The following FHIT variants were observed in gnomAD, a reference collection of about 807,000 sequenced individuals.
FHIT encodes fragile histidine triad diadenosine triphosphatase.
Under a neutral mutation model 17.9 loss-of-function variants are expected in FHIT, and 19 were observed. That is an observed-to-expected ratio of 1.06 (90% CI 0.74 to 1.56). The LOEUF is 1.56. FHIT is among the 40% of genes most tolerant of loss of function. FHIT has a pLI of 0.00. For missense variants in FHIT, 248 were observed against 189.2 expected (o/e 1.31, Z -1.82); for synonymous variants, 81 against 69.7 (o/e 1.16, Z -0.81).
intron 4 of FHIT, among the ~76,000 whole-genome samples, chr3:60,680,600 G>T: frequency 7.0e-6 from 1 of 142,864 alleles, no homozygotes. Flanking sequence ...CAAAACTTTA[G>T]ATTTATAATA....
intron 8 of FHIT, among the ~76,000 whole-genome samples, chr3:59,917,900 AG>A (rs754734144): frequency 1.3e-5 from 2 of 152,230 alleles, no homozygotes; most frequent in Admixed American, 6.5e-5. Flanking sequence ...GTTTGGTGGG[AG>A]GGGGCAAGTT....
At chr3:60,343,351 C>A (rs996183723) in intron 5 of FHIT, among the ~76,000 whole-genome samples, 1 of 152,018 alleles carries the variant, frequency 6.6e-6, no homozygotes, top group Non-Finnish European at 1.5e-5. Flanking sequence ...TAAAACACTC[C>A]CTAGCAGTCT....
intron 5 of FHIT, among the ~76,000 whole-genome samples, chr3:60,439,661 G>T (rs1397893555): frequency 6.6e-6 from 1 of 152,060 alleles, no homozygotes. Flanking sequence ...AAAAGAGCAA[G>T]TAACACTCAC....
intron 8 of FHIT, among the ~76,000 whole-genome samples, chr3:59,755,405 A>T (rs576478290): frequency 2.4e-4 from 37 of 152,226 alleles, no homozygotes; most frequent in Non-Finnish European, 3.5e-4. Flanking sequence ...GTAAAGTTCC[A>T]TTTCCCTAAA....
chr3:60,827,816 T>C (rs1373343499), intron 3 of FHIT, among the ~76,000 whole-genome samples: 13 of 152,208 alleles, frequency 8.5e-5, no homozygotes, highest in Admixed American at 8.5e-4. Context: ...TGCTGCTACA[T>C]TTTCTGTTCC....
intron 3 of FHIT, among the ~76,000 whole-genome samples, chr3:60,865,083 T>C (rs1704097813): frequency 6.6e-6 from 1 of 152,072 alleles, no homozygotes; most frequent in Non-Finnish European, 1.5e-5. Context: ...AATTTCTCAG[T>C]AGCAACAAAC....
At chr3:60,895,651 C>CTCCCTTCCTTCCTTCCT (rs1705753617) in intron 3 of FHIT, among the ~76,000 whole-genome samples, 1 of 135,982 alleles carries the variant, frequency 7.4e-6, no homozygotes, top group African/African-American at 3.1e-5. Context: ...CTTCCTTTCC[C>CTCCCTTCCTTCCTTCCT]TCCTTCCTTC....
intron 3 of FHIT, among the ~76,000 whole-genome samples, chr3:60,860,330 T>C (rs1553751283): frequency 6.9e-6 from 1 of 145,930 alleles, no homozygotes; most frequent in Non-Finnish European, 1.5e-5. Flanking sequence ...ACATCATATG[T>C]ATACATGAGA....
chr3:60,020,444 C>A (rs1477734218), intron 5 of FHIT, among the ~76,000 whole-genome samples: 1 of 152,024 alleles, frequency 6.6e-6, no homozygotes, highest in Non-Finnish European at 1.5e-5. Flanking sequence ...TAGAAGTCAC[C>A]AAAATAAAGC....
chr3:60,806,196 T>TG (rs1421499509), intron 4 of FHIT, among the ~76,000 whole-genome samples: 1 of 152,156 alleles, frequency 6.6e-6, no homozygotes, highest in African/African-American at 2.4e-5. Flanking sequence ...GGGATTCAGT[T>TG]GGGGGGCTCA....
intron 4 of FHIT, among the ~76,000 whole-genome samples, chr3:60,788,495 CAT>C (rs1206683211): frequency 6.6e-6 from 1 of 152,046 alleles, no homozygotes; most frequent in Non-Finnish European, 1.5e-5. Flanking sequence ...TATACATGCA[CAT>C]GTGTATATAT....
intron 3 of FHIT, among the ~76,000 whole-genome samples, chr3:61,033,482 T>C (rs1053116071): frequency 6.6e-5 from 10 of 152,220 alleles, no homozygotes; most frequent in African/African-American, 2.4e-4. Flanking sequence ...ACTAATATTT[T>C]TAATATTTTT....
chr3:60,167,360 T>C (rs1453406613), intron 5 of FHIT, among the ~76,000 whole-genome samples: 22 of 152,222 alleles, frequency 1.4e-4, no homozygotes, highest in Admixed American at 1.4e-3. Flanking sequence ...GTAGGAATTA[T>C]CTAATCAAAG....
intron 4 of FHIT, among the ~76,000 whole-genome samples, chr3:60,736,004 A>C (rs957310784): frequency 1.2e-4 from 18 of 152,218 alleles, no homozygotes; most frequent in African/African-American, 3.9e-4. Context: ...ATGGTAGCTC[A>C]CAAAGAAGAA....
chr3:60,429,315 G>C (rs143809030), intron 5 of FHIT, among the ~76,000 whole-genome samples: 2 of 152,108 alleles, frequency 1.3e-5, no homozygotes, highest in Non-Finnish European at 2.9e-5. Flanking sequence ...TCCTAGAAAT[G>C]GTTACGCTTT....
chr3:61,196,787 C>T (rs1314227339), intron 2 of FHIT, among the ~76,000 whole-genome samples: 1 of 152,118 alleles, frequency 6.6e-6, no homozygotes, highest in Admixed American at 6.5e-5. Context: ...GAAGAGAGGC[C>T]CCCAACCGGA....
chr3:60,474,419 C>T lies in FHIT; in HGVS notation c.103+62441G>A, dbSNP rs17063248. ...CTGTCACACTCATATATAATAAAAA[C>T]ACCAGTCATGTTTACAGTTCAATTT... On this transcript the variant is annotated intron_variant, in intron 5 of 9. Transcript: ENST00000492590. Among the ~76,000 whole-genome samples, 1,373 of 152,238 alleles carry T rather than the reference C, an allele frequency of 9.0e-3. 12 individuals carry two copies. The highest frequency in any genetic ancestry group is 0.03 in the East Asian group (154 of 5,170).
intron 2 of FHIT, among the ~76,000 whole-genome samples, chr3:61,188,074 C>G (rs981924408): frequency 6.6e-6 from 1 of 152,150 alleles, no homozygotes; most frequent in Admixed American, 6.5e-5. Flanking sequence ...CAAGCAATAA[C>G]TAAGACCAGA....
chr3:60,975,432 GTATGGCTT>G (rs1401903548), intron 3 of FHIT, among the ~76,000 whole-genome samples: 1 of 152,190 alleles, frequency 6.6e-6, no homozygotes, highest in Non-Finnish European at 1.5e-5. Context: ...TGAACTTGAA[GTATGGCTT>G]TATTTCCCTC....
Sources: gnomAD v4.1 joint callset for allele counts (sites outside exome capture counted in the v4.1 genomes callset) on GRCh38, gnomAD v4.1.1 for gene constraint, MANE v1.5 for transcripts, NCBI Gene and HGNC (gene_info 2026-07-23, HGNC 2026-07-21) for gene names.